The following DOCK4 variants were observed in gnomAD, a reference collection of about 807,000 sequenced individuals.
The protein encoded by DOCK4 is dedicator of cytokinesis 4.
DOCK4 carries 97 observed loss-of-function variants against 268.1 expected under a neutral mutation model. The ratio of observed to expected loss-of-function variants is 0.36; its 90% CI spans 0.31 to 0.43. The LOEUF is 0.43. Among genes scored for constraint, DOCK4 ranks in the 20% least tolerant of loss-of-function variants. DOCK4 has a pLI of 1.00. For missense variants in DOCK4, 2,145 were observed against 2,455.7 expected (o/e 0.87, Z 2.67); for synonymous variants, 954 against 887.2 (o/e 1.08, Z -1.34).
intron 1 of DOCK4, among the ~76,000 whole-genome samples, chr7:112,022,853 G>A (rs941447477): frequency 2.6e-5 from 4 of 152,148 alleles, no homozygotes; most frequent in African/African-American, 9.7e-5. Flanking sequence ...TCCTGCTAAG[G>A]AAGTGAAAGG....
At chr7:111,984,065 T>G (rs1187251269) in intron 7 of DOCK4, among the ~76,000 whole-genome samples, 1 of 152,102 alleles carries the variant, frequency 6.6e-6, no homozygotes, top group African/African-American at 2.4e-5. Context: ...TGAAAACATC[T>G]TTGTATTGAC....
At chr7:111,762,701 T>C (rs770355364) in intron 39 of DOCK4, among the ~76,000 whole-genome samples, 13 of 151,586 alleles carry the variant, frequency 8.6e-5, no homozygotes, top group African/African-American at 1.2e-4. Context: ...TTCTTAAGCA[T>C]GTATATAGAA....
intron 12 of DOCK4, among the ~76,000 whole-genome samples, chr7:111,920,122 G>A (rs756550897): frequency 6.6e-6 from 1 of 152,164 alleles, no homozygotes; most frequent in Non-Finnish European, 1.5e-5. Flanking sequence ...GGATTGGAGA[G>A]GGTGGGGGAT....
chr7:112,176,159 C>G (rs1198522534), intron 1 of DOCK4, among the ~76,000 whole-genome samples: 1 of 152,128 alleles, frequency 6.6e-6, no homozygotes, highest in Non-Finnish European at 1.5e-5. Flanking sequence ...CCAAAGAGCA[C>G]CCTACTAAGA....
chr7:111,787,924 A>G (rs1204470965), intron 32 of DOCK4, among the ~76,000 whole-genome samples: 1 of 152,240 alleles, frequency 6.6e-6, no homozygotes, highest in East Asian at 1.9e-4. Context: ...GAAGCTGTAG[A>G]GAAAACAAGT....
At position 112,004,118 on chromosome 7, in the gene DOCK4, GA is replaced by G. The variant is rs759532580; in HGVS notation, c.50del (p.Phe17SerfsTer32). 6.3e-7 allele frequency: 1 copy of G among 1,591,570 alleles called. No homozygotes were observed. The highest frequency in any genetic ancestry group is 1.8e-5 in the Admixed American group (1 of 56,932). On this transcript the variant is annotated frameshift_variant, in exon 2 of 53. Transcript: ENST00000428084. LOFTEE classifies it high-confidence loss of function. ...ACAGGCCATATGGAACGGTTCCTCG[GA>G]AACTGGCAATAACTGTAAAAAATGA... is the stretch of plus-strand genomic sequence containing the variant. ...HEKYGVVIAS[F>X]RGTVPYGLSL... is the part of the protein sequence containing the mutation.
chr7:111,826,776 T>G lies in DOCK4; in HGVS notation c.2836-4320A>C, dbSNP rs1586104735. Reference sequence around the variant, plus strand: ...AAGGGCTGAAAAACTACCTATTGGGTACTACATTCACTATTTGGGTGATGG... The same window carrying G: ...AAGGGCTGAAAAACTACCTATTGGGGACTACATTCACTATTTGGGTGATGG... On this transcript the variant is annotated intron_variant, in intron 26 of 52. Coordinates refer to ENST00000428084, the MANE Select transcript of DOCK4 (RefSeq NM_001363540.2). 5.3e-5 allele frequency among the ~76,000 whole-genome samples: 8 copies of G among 152,212 alleles called. No homozygotes were observed. In the South Asian group the frequency reaches 1.5e-3, roughly 28 times the overall value.
intron 1 of DOCK4, among the ~76,000 whole-genome samples, chr7:112,189,294 A>G (rs1364040619): frequency 6.6e-6 from 1 of 152,144 alleles, no homozygotes; most frequent in Non-Finnish European, 1.5e-5. Flanking sequence ...TGGAAAAAAA[A>G]AAAACTGTGG....
At chr7:111,859,211 C>T (rs142076337) in intron 23 of DOCK4, among the ~76,000 whole-genome samples, 3 of 152,090 alleles carry the variant, frequency 2.0e-5, no homozygotes, top group Non-Finnish European at 4.4e-5. Flanking sequence ...TGTAGAGATG[C>T]TGGTAATACC....
At chr7:111,833,710 A>G (rs192450462) in intron 26 of DOCK4, among the ~76,000 whole-genome samples, 3 of 152,298 alleles carry the variant, frequency 2.0e-5, no homozygotes, top group Admixed American at 6.5e-5. Context: ...GAGATCATAC[A>G]ATATTTTCCA....
chr7:111,889,819 T>C (rs1163663472), intron 16 of DOCK4, among the ~76,000 whole-genome samples: 1 of 152,212 alleles, frequency 6.6e-6, no homozygotes, highest in Non-Finnish European at 1.5e-5. Flanking sequence ...GCTGACTTTG[T>C]ACCTGGCTCT....
At chr7:111,767,185 A>G in intron 37 of DOCK4, 67 bp from the exon 38 acceptor site, 1 of 1,335,860 alleles carries the variant, frequency 7.5e-7, no homozygotes, top group South Asian at 1.2e-5. Flanking sequence ...CCCAAAAGTC[A>G]GAACATGAGT....
intron 1 of DOCK4, among the ~76,000 whole-genome samples, chr7:112,057,871 C>T (rs1563041883): frequency 6.6e-6 from 1 of 151,490 alleles, no homozygotes; most frequent in Non-Finnish European, 1.5e-5. Flanking sequence ...TTTTATAAAA[C>T]TAAAAAAAAT....
chr7:112,058,668 T>C (rs1006658016), intron 1 of DOCK4, among the ~76,000 whole-genome samples: 3 of 152,136 alleles, frequency 2.0e-5, no homozygotes, highest in Non-Finnish European at 4.4e-5. Context: ...TTGTTTGCTG[T>C]CTTATAAGGG....
At chr7:112,179,516 T>C (rs1007733520) in intron 1 of DOCK4, among the ~76,000 whole-genome samples, 18 of 130,934 alleles carry the variant, frequency 1.4e-4, no homozygotes, top group African/African-American at 7.1e-4. Context: ...ACAAAAGGTG[T>C]TGTTTTTTTG....
At chr7:112,190,542 G>C (rs1335251713) in intron 1 of DOCK4, among the ~76,000 whole-genome samples, 1 of 152,118 alleles carries the variant, frequency 6.6e-6, no homozygotes, top group Admixed American at 6.5e-5. Flanking sequence ...AGGAGCCAGT[G>C]GTTCCATAGG....
intron 13 of DOCK4, among the ~76,000 whole-genome samples, chr7:111,912,965 TC>T (rs558387194): frequency 6.6e-6 from 1 of 151,896 alleles, no homozygotes; most frequent in African/African-American, 2.4e-5. Context: ...CATAGAAATT[TC>T]CTTTTTTTTT....
chr7:111,937,139 A>G (rs1211767620), intron 11 of DOCK4, among the ~76,000 whole-genome samples: 2 of 152,176 alleles, frequency 1.3e-5, no homozygotes. Flanking sequence ...AAAAGCTCCT[A>G]AAGTATGTGA....
chr7:111,973,341 G>A (rs1399311797), intron 8 of DOCK4, among the ~76,000 whole-genome samples: 1 of 151,688 alleles, frequency 6.6e-6, no homozygotes, highest in African/African-American at 2.4e-5. Flanking sequence ...GTAAATTATA[G>A]CACTAACCCT....
Sources: allele counts gnomAD v4.1 joint callset (sites outside exome capture counted in the v4.1 genomes callset), GRCh38; gene constraint gnomAD v4.1.1; transcripts MANE v1.5; gene names NCBI Gene and HGNC (gene_info 2026-07-23, HGNC 2026-07-21).